Variants in MTDH observed in about 807,000 individuals in gnomAD.
The protein encoded by MTDH is protein LYRIC.
A neutral mutation model predicts 72.7 loss-of-function variants in MTDH; 34 were observed. That is an observed-to-expected ratio of 0.47 (90% CI 0.36 to 0.62). MTDH has a LOEUF of 0.62. Ranked by LOEUF, MTDH falls within the 20% of genes least tolerant of loss-of-function variation. The pLI is 0.00. For missense variants in MTDH, 677 were observed against 699.4 expected (o/e 0.97, Z 0.36); for synonymous variants, 266 against 268.9 (o/e 0.99, Z 0.10).
rs1369082715 is a variant in MTDH at position 97,691,048 on chromosome 8, A to G, written c.908A>G (p.Lys303Arg). ...TCACAGATCAGTGCAGGTGAGGAGA[A>G]GTGGAACTCCGTTTCACCTGCTTCT... ...LSSQISAGEEKWNSVSPASAG... is the reference protein window; with the variant it reads ...LSSQISAGEERWNSVSPASAG... Residue 303 changes from lysine (K) to arginine (R), a missense_variant, in exon 6 of 12, where the codon AAG becomes AGG. Around this residue, in one of 3 missense-constraint regions of MTDH, gnomAD observed 467 missense variants for 469.1 expected, o/e 1.00. Transcript: ENST00000336273. The G allele has an allele frequency of 1.2e-5, 20 of 1,614,192 alleles. No individual in the cohort carries two copies. Among genetic ancestry groups the G allele is most frequent in the Non-Finnish European group, 1.7e-5 (20 of 1,180,006 alleles).
intron 2 of MTDH, among the ~76,000 whole-genome samples, chr8:97,686,173 C>T (rs1366592249): frequency 6.6e-6 from 1 of 152,158 alleles, no homozygotes; most frequent in East Asian, 1.9e-4. Flanking sequence ...CTGATAATCA[C>T]CACATAATTT....
chr8:97,696,386 C>A, intron 6 of MTDH: 1 of 511,376 alleles, frequency 2.0e-6, no homozygotes, highest in Non-Finnish European at 2.5e-6. Context: ...TCAAGTACTG[C>A]TATCAATATA....
chr8:97,667,922 T>G (rs1812456241), intron 2 of MTDH, among the ~76,000 whole-genome samples: 1 of 151,928 alleles, frequency 6.6e-6, no homozygotes, highest in Non-Finnish European at 1.5e-5. Context: ...GAATTTCTAA[T>G]GACGTTAGTT....
intron 2 of MTDH, among the ~76,000 whole-genome samples, chr8:97,681,356 A>G (rs1012829898): frequency 2.6e-5 from 4 of 152,052 alleles, no homozygotes; most frequent in Non-Finnish European, 5.9e-5. Context: ...AAGACATCAT[A>G]TGTCATGTAA....
At chr8:97,703,801 AC>A (rs1206748587) in intron 7 of MTDH, among the ~76,000 whole-genome samples, 1 of 152,240 alleles carries the variant, frequency 6.6e-6, no homozygotes, top group Non-Finnish European at 1.5e-5. Flanking sequence ...GATAATAAAA[AC>A]AGTAGCTACC....
rs374497175 is a variant in MTDH at position 97,644,757 on chromosome 8, G to T, written c.251G>T (p.Ser84Ile). ...ACAGARKKRRSPPRKREEAAA... is the reference protein window; with the variant it reads ...ACAGARKKRRIPPRKREEAAA... Reference sequence around the variant, plus strand: ...GCCGGCGCCCGCAAAAAGCGGAGGAGCCCGCCCCGCAAGCGGGAGGAGGCG... The same window carrying T: ...GCCGGCGCCCGCAAAAAGCGGAGGATCCCGCCCCGCAAGCGGGAGGAGGCG... Residue 84 changes from serine (S) to isoleucine (I), a missense_variant, in exon 1 of 12, where the codon AGC becomes ATC. Coordinates refer to ENST00000336273, the MANE Select transcript of MTDH (RefSeq NM_178812.4). 4.7e-5 allele frequency: 74 copies of T among 1,565,568 alleles called. No homozygotes were observed. Among genetic ancestry groups the T allele is most frequent in the Non-Finnish European group, 6.2e-5 (72 of 1,164,032 alleles).
intron 2 of MTDH, among the ~76,000 whole-genome samples, chr8:97,666,026 G>T (rs1356028024): frequency 6.6e-6 from 1 of 151,948 alleles, no homozygotes; most frequent in Non-Finnish European, 1.5e-5. Flanking sequence ...TACTCAGGAG[G>T]CTGAGGCAGG....
intron 11 of MTDH, among the ~76,000 whole-genome samples, chr8:97,724,065 C>T (rs1320653823): frequency 6.6e-5 from 10 of 151,456 alleles, no homozygotes; most frequent in Admixed American, 4.0e-4. Context: ...GCCAAGATTG[C>T]GCCATTGCAC....
At chr8:97,721,605 C>T (rs1035121271) in intron 10 of MTDH, among the ~76,000 whole-genome samples, 4 of 152,216 alleles carry the variant, frequency 2.6e-5, no homozygotes, top group African/African-American at 9.6e-5. Flanking sequence ...ACTTACCCTT[C>T]TTTCTATGTT....
Position 97,657,254 on chromosome 8 carries a change from A to G in MTDH, c.382-3818A>G, listed in dbSNP as rs367937867. Among the ~76,000 whole-genome samples, 8 of 152,208 alleles carry G rather than the reference A, an allele frequency of 5.3e-5. No individual in the cohort carries two copies. The East Asian group carries it at 9.6e-4, about 18-fold the overall frequency. ...GGAGTTTATCCATCAAAATAAAATG[A>G]TTCTATCATTTTTCTGTTACTGGTT... On this transcript the variant is annotated intron_variant, in intron 1 of 11. Transcript: ENST00000336273.
chr8:97,723,578 C>T (rs1815225671), intron 11 of MTDH, among the ~76,000 whole-genome samples: 2 of 149,826 alleles, frequency 1.3e-5, no homozygotes, highest in Admixed American at 1.3e-4. Flanking sequence ...CCCGTCTCTA[C>T]TAAAAATACA....
Position 97,689,117 on chromosome 8 carries a change from C to T in MTDH, c.811+14C>T. 1.3e-6 allele frequency: 2 copies of T among 1,515,840 alleles called. No homozygotes were observed. The highest frequency in any genetic ancestry group is 9.1e-7 in the Non-Finnish European group (1 of 1,104,878). 93.9% of individuals were successfully genotyped at this position (1,515,840 alleles called of 1,614,324 possible). On this transcript the variant is annotated intron_variant, in intron 5 of 11. Coordinates refer to ENST00000336273, the MANE Select transcript of MTDH (RefSeq NM_178812.4). ...CTACACTTCAGGGTGAGAGAAATTA[C>T]ATGTAACTTAAATTGAAGGCCCATC...
chr8:97,656,166 A>G (rs1811963881), intron 1 of MTDH, among the ~76,000 whole-genome samples: 2 of 152,246 alleles, frequency 1.3e-5, no homozygotes, highest in South Asian at 4.1e-4. Context: ...AAGTGAAAGT[A>G]GGGTTCTATG....
At position 97,667,831 on chromosome 8, in the gene MTDH, T is replaced by TAAAAA. The variant is rs542822923; in HGVS notation, c.483+6673_483+6677dup. 6.9e-5 allele frequency among the ~76,000 whole-genome samples: 8 copies of TAAAAA among 116,278 alleles called. No individual in the cohort carries two copies. The South Asian group carries it at 1.5e-3, about 21-fold the overall frequency. 76.3% of individuals were successfully genotyped at this position (116,278 alleles called of 152,430 possible). ...ACATAGCGAGACCCTGTCTCTATAT[T>TAAAAA]AAAAAAAAAAAAAAAAAAAGGAAGA... On this transcript the variant is annotated intron_variant, in intron 2 of 11. Coordinates refer to ENST00000336273, the MANE Select transcript of MTDH (RefSeq NM_178812.4).
At chr8:97,711,335 A>AT (rs1037622246) in intron 8 of MTDH, among the ~76,000 whole-genome samples, 5 of 137,672 alleles carry the variant, frequency 3.6e-5, no homozygotes, top group African/African-American at 1.0e-4. Context: ...CCTATCTCTA[A>AT]TTAAAAAAAA....
At chr8:97,711,109 G>A (rs1250278500) in intron 8 of MTDH, among the ~76,000 whole-genome samples, 8 of 152,142 alleles carry the variant, frequency 5.3e-5, no homozygotes, top group African/African-American at 1.9e-4. Flanking sequence ...TTTTTGTCCT[G>A]CAGAATGCTA....
At chr8:97,665,841 A>C (rs1812361066) in intron 2 of MTDH, among the ~76,000 whole-genome samples, 6 of 152,222 alleles carry the variant, frequency 3.9e-5, no homozygotes, top group Admixed American at 3.9e-4. Flanking sequence ...GATTGTAAAG[A>C]TCTGGCCGGG....
rs1303274610 is a variant in MTDH, at chr8:97,644,673, C to T, written c.167C>T (p.Thr56Ile). The T allele has an allele frequency of 6.2e-7, 1 of 1,606,052 alleles. No homozygotes were observed. The highest frequency in any genetic ancestry group is 8.5e-7 in the Non-Finnish European group (1 of 1,177,784). ...CCCGGCTGGGTGATCCTGGTGGGCACTGGCGCGCTCGGGCTGCTGCTGCTG... is the reference window on the plus strand; with the variant it reads ...CCCGGCTGGGTGATCCTGGTGGGCATTGGCGCGCTCGGGCTGCTGCTGCTG... ...RYPGWVILVG[T>I]GALGLLLLFL... Residue 56 changes from threonine (T) to isoleucine (I), a missense_variant, in exon 1 of 12, where the codon ACT becomes ATT. Physicochemically the swap from Thr to Ile is moderately conservative, Grantham distance 89. Around this residue, in one of 3 missense-constraint regions of MTDH, gnomAD observed 467 missense variants for 469.1 expected, o/e 1.00. Transcript: ENST00000336273.
At position 97,724,585 on chromosome 8, in the gene MTDH, C is replaced by A. The variant is rs1357253402; in HGVS notation, c.1679-15C>A. On this transcript the variant is annotated splice_polypyrimidine_tract_variant and intron_variant, in intron 11 of 11. Transcript: ENST00000336273. ...TCCTAATTTTTTTCTTCGTTTTCCCCCTTTTCTTTTTTAGCCAAGTCTGAA... is the reference window on the plus strand; with the variant it reads ...TCCTAATTTTTTTCTTCGTTTTCCCACTTTTCTTTTTTAGCCAAGTCTGAA... The A allele has an allele frequency of 3.2e-6, 5 of 1,572,398 alleles. No individual in the cohort carries two copies. In the South Asian group the frequency reaches 3.6e-5, roughly 11 times the overall value.
Sources: allele counts gnomAD v4.1 joint callset (sites outside exome capture counted in the v4.1 genomes callset), GRCh38; gene constraint gnomAD v4.1.1; regional missense constraint gnomAD v4.1.1; transcripts MANE v1.5; gene names NCBI Gene and HGNC (gene_info 2026-07-23, HGNC 2026-07-21).